Variants in SLC4A10 observed in about 807,000 individuals in gnomAD.
The protein encoded by SLC4A10 is sodium-driven chloride bicarbonate exchanger.
SLC4A10 carries 42 observed loss-of-function variants against 137.7 expected under a neutral mutation model. That is an observed-to-expected ratio of 0.30 (90% confidence interval 0.24 to 0.39). SLC4A10 has a LOEUF of 0.39. SLC4A10 is among the 10% of genes least tolerant of loss of function. SLC4A10 has a pLI of 1.00. For synonymous variants in SLC4A10, 474 were observed against 464.1 expected, an observed-to-expected ratio of 1.02 and a Z score of -0.27; for missense variants, 925 against 1,355.0, an observed-to-expected ratio of 0.68 and a Z score of 4.98.
Position 161,978,555 on chromosome 2 carries a change from G to C in SLC4A10, c.*26+795G>C, listed in dbSNP as rs770651229. On this transcript the variant is annotated intron_variant, in intron 26 of 26. Transcript: ENST00000446997. ...AGAGAAAGAGGCTACATTAGACTTA[G>C]AGAATATATCTCTTATTGCTGGTTT... is the stretch of plus-strand genomic sequence containing the variant. Among the ~76,000 whole-genome samples the C allele has an allele frequency of 2.0e-5, 3 of 152,222 alleles. No individual in the cohort carries two copies. In the East Asian group the frequency reaches 5.8e-4, roughly 29 times the overall value.
At chr2:161,686,976 G>A (rs1038003132) in intron 1 of SLC4A10, among the ~76,000 whole-genome samples, 6 of 147,842 alleles carry the variant, frequency 4.1e-5, no homozygotes, top group Non-Finnish European at 7.4e-5. Context: ...TCCGCCTCCC[G>A]GGTTCAGGCG....
chr2:161,834,702 A>C (rs1016548584), intron 3 of SLC4A10, among the ~76,000 whole-genome samples: 4 of 118,350 alleles, frequency 3.4e-5, no homozygotes, highest in Non-Finnish European at 7.3e-5. Flanking sequence ...CACACACACA[A>C]AACCTATTAA....
intron 10 of SLC4A10, among the ~76,000 whole-genome samples, chr2:161,885,914 G>A (rs542622009): frequency 1.4e-4 from 22 of 152,178 alleles, no homozygotes; most frequent in African/African-American, 5.3e-4. Context: ...ACCAGCCTGG[G>A]CAGCATGGTG....
chr2:161,650,717 C>CA (rs2036675447), intron 1 of SLC4A10, among the ~76,000 whole-genome samples: 1 of 152,164 alleles, frequency 6.6e-6, no homozygotes, highest in Non-Finnish European at 1.5e-5. Context: ...GGTGTGCATG[C>CA]ACCCACTCAA....
At chr2:161,907,055 C>CAAAA (rs556899761) in intron 15 of SLC4A10, among the ~76,000 whole-genome samples, 2 of 90,942 alleles carry the variant, frequency 2.2e-5, no homozygotes, top group East Asian at 1.2e-3. Flanking sequence ...GACTCCGTCT[C>CAAAA]AAAAAAAAAA....
chr2:161,926,521 A>C (rs1459681132), intron 15 of SLC4A10, among the ~76,000 whole-genome samples: 11 of 149,642 alleles, frequency 7.4e-5, no homozygotes, highest in African/African-American at 2.0e-4. Context: ...CAATTTGCCA[A>C]TCTGTGTCTT....
chr2:161,938,711 A>G (rs1412613573), intron 15 of SLC4A10, among the ~76,000 whole-genome samples: 5 of 148,264 alleles, frequency 3.4e-5, no homozygotes, highest in Non-Finnish European at 7.5e-5. Flanking sequence ...ATAGAAGAGA[A>G]AAAAAAAAAA....
chr2:161,791,568 G>A (rs1477840584), intron 2 of SLC4A10, among the ~76,000 whole-genome samples: 2 of 152,080 alleles, frequency 1.3e-5, no homozygotes, highest in Admixed American at 6.6e-5. Flanking sequence ...AACCACCGTG[G>A]TACACATTTA....
intron 1 of SLC4A10, among the ~76,000 whole-genome samples, chr2:161,769,292 CAT>C: frequency 6.6e-6 from 1 of 152,042 alleles, no homozygotes; most frequent in East Asian, 1.9e-4. Flanking sequence ...TCCATTCCCA[CAT>C]ATGTTTCCTG....
chr2:161,672,208 G>A (rs1192082077), intron 1 of SLC4A10, among the ~76,000 whole-genome samples: 2 of 152,012 alleles, frequency 1.3e-5, no homozygotes, highest in Non-Finnish European at 2.9e-5. Flanking sequence ...TAACAGCCCT[G>A]GTGATCTCTT....
At chr2:161,808,191 T>C (rs2056192789) in intron 3 of SLC4A10, among the ~76,000 whole-genome samples, 1 of 152,168 alleles carries the variant, frequency 6.6e-6, no homozygotes, top group South Asian at 2.1e-4. Context: ...TATTTTCTAT[T>C]ATTTTCTCTC....
intron 4 of SLC4A10, 71 bp from the exon 5 acceptor site, chr2:161,854,899 T>C: frequency 7.2e-7 from 1 of 1,393,688 alleles, no homozygotes. Context: ...TTTCAACCTT[T>C]TATTTTTGGT....
At chr2:161,959,146 A>G (rs1323286977) in intron 21 of SLC4A10, among the ~76,000 whole-genome samples, 2 of 152,254 alleles carry the variant, frequency 1.3e-5, no homozygotes, top group East Asian at 3.9e-4. Flanking sequence ...AGGAAGGTGT[A>G]GAAATAAGAA....
intron 1 of SLC4A10, chr2:161,709,890 T>C (rs1475403259): frequency 1.3e-5 from 2 of 151,622 alleles, no homozygotes; most frequent in African/African-American, 2.4e-5. Context: ...ACTTTTCAGG[T>C]ACTCCATATT....
intron 23 of SLC4A10, among the ~76,000 whole-genome samples, chr2:161,970,760 C>T (rs1161726837): frequency 1.3e-5 from 2 of 152,128 alleles, no homozygotes; most frequent in East Asian, 1.9e-4. Flanking sequence ...TGTTAGGTAT[C>T]GTGATATATG....
intron 3 of SLC4A10, 48 bp downstream of exon 3, chr2:161,804,643 C>T (rs376435646): frequency 6.7e-6 from 10 of 1,502,638 alleles, no homozygotes; most frequent in Non-Finnish European, 9.0e-6. Flanking sequence ...TTGTAATATA[C>T]TTGCTTATAC....
chr2:161,935,360 T>G (rs1156777298), intron 15 of SLC4A10, among the ~76,000 whole-genome samples: 3 of 152,222 alleles, frequency 2.0e-5, no homozygotes, highest in Non-Finnish European at 4.4e-5. Context: ...TATTTGGTTA[T>G]TTGTTTTTTG....
At chr2:161,971,922 T>C (rs1168257303) in intron 23 of SLC4A10, among the ~76,000 whole-genome samples, 1 of 152,204 alleles carries the variant, frequency 6.6e-6, no homozygotes, top group Non-Finnish European at 1.5e-5. Context: ...TTGAAAGCAA[T>C]TTGAGAGAAA....
chr2:161,675,518 A>C (rs2040187337), intron 1 of SLC4A10, among the ~76,000 whole-genome samples: 2 of 152,192 alleles, frequency 1.3e-5, no homozygotes, highest in African/African-American at 2.4e-5. Context: ...TTAAAAAATA[A>C]GATGTAAAAG....
Sources: allele counts gnomAD v4.1 joint callset (sites outside exome capture counted in the v4.1 genomes callset), GRCh38; gene constraint gnomAD v4.1.1; transcripts MANE v1.5; gene names NCBI Gene and HGNC (gene_info 2026-07-23, HGNC 2026-07-21).